PXDC1: variants seen among roughly 807,000 people sequenced by gnomAD.
PXDC1 encodes the protein PX domain-containing protein 1.
In PXDC1, 13 loss-of-function variants were observed where a neutral mutation model predicts 24.4. The ratio of observed to expected loss-of-function variants is 0.53; its 90% CI spans 0.35 to 0.85. The LOEUF is 0.85. Ranked by LOEUF, PXDC1 falls within the 40% of genes least tolerant of loss-of-function variation. The probability of loss-of-function intolerance (pLI) is 0.01; values close to 1 mark genes in which losing one functional copy is unlikely to be tolerated. For synonymous variants in PXDC1, 162 were observed against 124.9 expected (o/e 1.30, Z -1.98); for missense variants, 344 against 309.3 (o/e 1.11, Z -0.84).
rs891448633 is a variant in PXDC1, at chr6:3,737,657, C to T, written c.348+400G>A. ...ACGGTCAAATCCGGGCAACGTGCCC[C>T]GCTGTGCTGACGCCAACGTTCTTCT... On this transcript the variant is annotated intron_variant, in intron 2 of 4. Coordinates refer to ENST00000380283, the MANE Select transcript of PXDC1 (RefSeq NM_183373.4). The surrounding 1 kb of genome is among the most constrained non-coding windows in gnomAD (Gnocchi z 5.5). 92 of 985,282 alleles carry T rather than the reference C, an allele frequency of 9.3e-5. No individual in the cohort carries two copies. Among genetic ancestry groups the T allele is most frequent in the South Asian group, 1.9e-4 (4 of 21,294 alleles). 61.0% of individuals were successfully genotyped at this position (985,282 alleles called of 1,614,324 possible). A position where few individuals can be genotyped will look rare whatever the true frequency, so the allele number is the denominator to read the frequency against.
chr6:3,736,721 C>T (rs1352614757), intron 3 of PXDC1, among the ~76,000 whole-genome samples: 3 of 152,210 alleles, frequency 2.0e-5, no homozygotes, highest in African/African-American at 7.2e-5. Flanking sequence ...AAAGCAAGAA[C>T]CAAATTCAAT....
chr6:3,743,919 G>A lies in PXDC1; in HGVS notation c.257-5771C>T, dbSNP rs144908005. Among the ~76,000 whole-genome samples, 668 of 152,338 alleles carry A rather than the reference G, an allele frequency of 4.4e-3. 3 individuals carry two copies. The highest frequency in any genetic ancestry group is 6.8e-3 in the Middle Eastern group (2 of 294). On this transcript the variant is annotated intron_variant, in intron 1 of 4. Transcript: ENST00000380283. Reference sequence around the variant, plus strand: ...CTGAGCTGAGAATGCAAGAGGAAGAGATGGAAGTGGCTGAGGAAAAACAGA... The same window carrying A: ...CTGAGCTGAGAATGCAAGAGGAAGAAATGGAAGTGGCTGAGGAAAAACAGA...
Position 3,751,603 on chromosome 6 carries a change from C to T in PXDC1, c.-72G>A. Reference sequence around the variant, plus strand: ...CCGCCCGCAGGAGGCGCGCCCCGGCCGGGGTCGTCCCGGGTCTGTCCGTGG... The same window carrying T: ...CCGCCCGCAGGAGGCGCGCCCCGGCTGGGGTCGTCCCGGGTCTGTCCGTGG... On this transcript the variant is annotated 5_prime_UTR_variant, in exon 1 of 5. Coordinates refer to ENST00000380283, the MANE Select transcript of PXDC1 (RefSeq NM_183373.4). 2.1e-6 allele frequency: 3 copies of T among 1,420,390 alleles called. No homozygotes were observed. Among genetic ancestry groups the T allele is most frequent in the South Asian group, 3.0e-5 (2 of 66,646 alleles). 88.0% of individuals were successfully genotyped at this position (1,420,390 alleles called of 1,614,324 possible).
At chr6:3,742,376 T>C (rs900090905) in intron 1 of PXDC1, among the ~76,000 whole-genome samples, 1 of 152,240 alleles carries the variant, frequency 6.6e-6, no homozygotes, top group Non-Finnish European at 1.5e-5. Flanking sequence ...CATCTAAAAC[T>C]TTTGGTTTTT....
intron 1 of PXDC1, among the ~76,000 whole-genome samples, chr6:3,748,818 C>T (rs1471216313): frequency 1.3e-5 from 2 of 152,192 alleles, no homozygotes; most frequent in Non-Finnish European, 2.9e-5. Context: ...GTCCCAGAAA[C>T]AGTTCAATCC....
intron 3 of PXDC1, among the ~76,000 whole-genome samples, chr6:3,735,412 C>T (rs370785852): frequency 2.0e-5 from 3 of 152,298 alleles, no homozygotes; most frequent in East Asian, 1.9e-4. Context: ...ATATGCACAA[C>T]GGAATACTAT....
At chr6:3,743,819 C>T (rs985659404) in intron 1 of PXDC1, among the ~76,000 whole-genome samples, 7 of 152,216 alleles carry the variant, frequency 4.6e-5, no homozygotes, top group African/African-American at 4.8e-5. Context: ...CACACCTCCA[C>T]GCTGCAATGC....
rs149600042 is a variant in PXDC1 at position 3,725,064 on chromosome 6, G to A, written c.579-1328C>T. On this transcript the variant is annotated intron_variant, in intron 4 of 4. Coordinates refer to ENST00000380283, the MANE Select transcript of PXDC1 (RefSeq NM_183373.4). The surrounding 1 kb of genome is among the most constrained non-coding windows in gnomAD (Gnocchi z 4.8). ...GCTGTGGGTGGGAAAGCTATGGGGG[G>A]CTCACGGAGACAGAGCAGCTCTCCA... Among the ~76,000 whole-genome samples, 90 of 152,240 alleles carry A rather than the reference G, an allele frequency of 5.9e-4. No individual in the cohort carries two copies. Among genetic ancestry groups the A allele is most frequent in the African/African-American group, 2.1e-3 (86 of 41,542 alleles).
intron 1 of PXDC1, among the ~76,000 whole-genome samples, chr6:3,745,667 T>A (rs1358271238): frequency 6.6e-6 from 1 of 152,056 alleles, no homozygotes; most frequent in East Asian, 1.9e-4. Flanking sequence ...GTGTCCCAGG[T>A]GGTTGACCCC....
intron 1 of PXDC1, among the ~76,000 whole-genome samples, chr6:3,746,929 T>C (rs1259482234): frequency 6.6e-6 from 1 of 152,120 alleles, no homozygotes; most frequent in Non-Finnish European, 1.5e-5. Flanking sequence ...TTTCTGGTAA[T>C]GTCCCAGATG....
chr6:3,747,900 G>A (rs527832183), intron 1 of PXDC1, among the ~76,000 whole-genome samples: 5 of 152,306 alleles, frequency 3.3e-5, no homozygotes, highest in African/African-American at 1.2e-4. Context: ...GATATTTGAT[G>A]GAATGAATGT....
intron 4 of PXDC1, 38 bp downstream of exon 4, chr6:3,727,513 G>T: frequency 6.9e-7 from 1 of 1,443,540 alleles, no homozygotes; most frequent in Non-Finnish European, 9.7e-7. Flanking sequence ...AATGGCTCAG[G>T]ACAGTCTATG....
At chr6:3,731,284 CATT>C (rs1194106475) in intron 3 of PXDC1, among the ~76,000 whole-genome samples, 20 of 152,160 alleles carry the variant, frequency 1.3e-4, no homozygotes, top group African/African-American at 4.8e-4. Flanking sequence ...CTATTATGAT[CATT>C]GTTAGTAATG....
intron 4 of PXDC1, 130 bp from the exon 5 acceptor site, chr6:3,723,866 A>G: frequency 1.4e-6 from 1 of 692,922 alleles, no homozygotes; most frequent in Admixed American, 2.2e-5. Context: ...CTACAAATGA[A>G]CTGGTGAGCT....
At chr6:3,749,567 G>A (rs777280299) in intron 1 of PXDC1, among the ~76,000 whole-genome samples, 12 of 151,264 alleles carry the variant, frequency 7.9e-5, no homozygotes, top group Non-Finnish European at 1.6e-4. Flanking sequence ...TCCTGCTCCA[G>A]GTGAGGTATT....
rs1158808713 is a variant in PXDC1 at position 3,724,259 on chromosome 6, G to A, written c.579-523C>T. Among the ~76,000 whole-genome samples the A allele has an allele frequency of 6.6e-6, 1 of 151,884 alleles. No individual in the cohort carries two copies. The highest frequency in any genetic ancestry group is 1.5e-5 in the Non-Finnish European group (1 of 67,948). Reference sequence around the variant, plus strand: ...ACGGGGGGAGACACCTTCTAGCGGGGAAGCCTGCATGTGGGTACGTGTTTC... The same window carrying A: ...ACGGGGGGAGACACCTTCTAGCGGGAAAGCCTGCATGTGGGTACGTGTTTC... On this transcript the variant is annotated intron_variant, in intron 4 of 4. Coordinates refer to ENST00000380283, the MANE Select transcript of PXDC1 (RefSeq NM_183373.4). The surrounding 1 kb of genome is among the most constrained non-coding windows in gnomAD (Gnocchi z 4.5).
At chr6:3,749,287 G>A (rs373607685) in intron 1 of PXDC1, among the ~76,000 whole-genome samples, 1 of 151,298 alleles carries the variant, frequency 6.6e-6, no homozygotes, top group Non-Finnish European at 1.5e-5. Flanking sequence ...ACACCCAGCC[G>A]CTGGACCTCA....
chr6:3,732,091 G>T (rs150342415), intron 3 of PXDC1, among the ~76,000 whole-genome samples: 2 of 152,212 alleles, frequency 1.3e-5, no homozygotes, highest in Non-Finnish European at 2.9e-5. Context: ...TCAATCAATG[G>T]ATCTTTTTTG....
At chr6:3,750,963 G>C (rs1026560058) in intron 1 of PXDC1, 7 of 328,224 alleles carry the variant, frequency 2.1e-5, no homozygotes, top group African/African-American at 1.3e-4. Flanking sequence ...CTCAGCCCCG[G>C]GCGCCCCCGC....
Sources: allele counts gnomAD v4.1 joint callset (sites outside exome capture counted in the v4.1 genomes callset), GRCh38; gene constraint gnomAD v4.1.1; non-coding constraint Gnocchi (gnomAD v3.1); transcripts MANE v1.5; gene names NCBI Gene and HGNC (gene_info 2026-07-23, HGNC 2026-07-21).